The following CNTNAP5 variants were observed in gnomAD, a reference collection of about 807,000 sequenced individuals.
CNTNAP5 encodes contactin associated protein family member 5.
A neutral mutation model predicts 150.2 loss-of-function variants in CNTNAP5; 72 were observed. The ratio of observed to expected loss-of-function variants is 0.48; its 90% CI spans 0.40 to 0.58. The LOEUF is 0.58. Among genes scored for constraint, CNTNAP5 ranks in the 20% least tolerant of loss-of-function variants. The pLI is 0.00. For missense variants in CNTNAP5, 1,636 were observed against 1,626.2 expected (o/e 1.01, Z -0.10); for synonymous variants, 672 against 619.8 (o/e 1.08, Z -1.25).
intron 13 of CNTNAP5, among the ~76,000 whole-genome samples, chr2:124,711,141 C>G (rs113685887): frequency 6.6e-6 from 1 of 151,804 alleles, no homozygotes; most frequent in Non-Finnish European, 1.5e-5. Context: ...TGTGGTGGCA[C>G]GCACCTGTAA....
intron 17 of CNTNAP5, among the ~76,000 whole-genome samples, chr2:124,781,697 G>A (rs1573613101): frequency 6.6e-6 from 1 of 152,250 alleles, no homozygotes; most frequent in South Asian, 2.1e-4. Context: ...CTGCACTGGA[G>A]CCCTGCTTTG....
chr2:124,897,962 TGTGTG>T (rs2104754981), intron 21 of CNTNAP5, among the ~76,000 whole-genome samples: 1 of 150,826 alleles, frequency 6.6e-6, no homozygotes, highest in Non-Finnish European at 1.5e-5. Flanking sequence ...TGTGTGTGTG[TGTGTG>T]TGTGTGTGTG....
At chr2:124,400,142 G>A (rs916404074) in intron 3 of CNTNAP5, among the ~76,000 whole-genome samples, 1 of 151,274 alleles carries the variant, frequency 6.6e-6, no homozygotes, top group Non-Finnish European at 1.5e-5. Flanking sequence ...GGAAACCAAT[G>A]CTACATTTAT....
chr2:124,133,668 A>G (rs1683913137), intron 1 of CNTNAP5, among the ~76,000 whole-genome samples: 2 of 152,024 alleles, frequency 1.3e-5, no homozygotes, highest in African/African-American at 4.8e-5. Context: ...GAGCACCAGT[A>G]GTGCTTTTTT....
At chr2:124,889,078 CTTTTTTTTTTT>C (rs761790564) in intron 21 of CNTNAP5, among the ~76,000 whole-genome samples, 1 of 68,784 alleles carries the variant, frequency 1.5e-5, no homozygotes, top group East Asian at 3.4e-4. Flanking sequence ...TGAGGTCTAG[CTTTTTTTTTTT>C]TTTTTTTTTT....
chr2:124,310,552 G>A (rs547855696), intron 3 of CNTNAP5, among the ~76,000 whole-genome samples: 104 of 151,850 alleles, frequency 6.8e-4, no homozygotes, highest in Non-Finnish European at 1.3e-3. Flanking sequence ...ACAAACCCTC[G>A]GAGAGAGCAA....
At chr2:124,180,451 T>C (rs1392100762) in intron 1 of CNTNAP5, among the ~76,000 whole-genome samples, 1 of 152,146 alleles carries the variant, frequency 6.6e-6, no homozygotes, top group Non-Finnish European at 1.5e-5. Context: ...TCAATACAGT[T>C]AAAAAATAAA....
chr2:124,171,357 C>T (rs1402290015), intron 1 of CNTNAP5, among the ~76,000 whole-genome samples: 5 of 152,164 alleles, frequency 3.3e-5, no homozygotes, highest in South Asian at 2.1e-4. Context: ...GCCCTTGCCT[C>T]GTTTTTGATC....
At chr2:124,198,572 C>T (rs1359609019) in intron 1 of CNTNAP5, among the ~76,000 whole-genome samples, 10 of 152,150 alleles carry the variant, frequency 6.6e-5, no homozygotes, top group Admixed American at 6.5e-4. Flanking sequence ...TCCTCCCTCT[C>T]TCCCCACTCT....
intron 1 of CNTNAP5, among the ~76,000 whole-genome samples, chr2:124,212,260 T>A (rs1049977808): frequency 6.6e-6 from 1 of 152,218 alleles, no homozygotes; most frequent in Non-Finnish European, 1.5e-5. Context: ...TTCATTTATG[T>A]AGCTTTTCTT....
At chr2:124,590,230 G>A (rs1354232015) in intron 11 of CNTNAP5, among the ~76,000 whole-genome samples, 2 of 152,028 alleles carry the variant, frequency 1.3e-5, no homozygotes, top group East Asian at 3.9e-4. Flanking sequence ...CCCTATTATA[G>A]CAGACAGCGA....
intron 11 of CNTNAP5, among the ~76,000 whole-genome samples, chr2:124,594,735 C>A (rs1162162999): frequency 3.0e-5 from 4 of 134,390 alleles, no homozygotes; most frequent in South Asian, 2.7e-4. Context: ...GGCAGTATGG[C>A]CATTTTCACG....
intron 12 of CNTNAP5, among the ~76,000 whole-genome samples, chr2:124,618,908 T>G (rs2104994031): frequency 6.6e-6 from 1 of 152,158 alleles, no homozygotes; most frequent in South Asian, 2.1e-4. Context: ...AGACCACTCT[T>G]TATGGGTTAA....
At chr2:124,810,916 C>T (rs938132766) in intron 19 of CNTNAP5, among the ~76,000 whole-genome samples, 6 of 151,908 alleles carry the variant, frequency 3.9e-5, no homozygotes, top group African/African-American at 1.5e-4. Flanking sequence ...CAGGATAGCC[C>T]CCCGATGAAG....
Position 124,228,384 on chromosome 2 carries a change from T to C in CNTNAP5, c.187+6575T>C, listed in dbSNP as rs145183853. On this transcript the variant is annotated intron_variant, in intron 2 of 23. Coordinates refer to ENST00000682447, the MANE Select transcript of CNTNAP5 (RefSeq NM_001367498.1). The stretch of plus-strand genomic sequence containing the variant: ...TTTTCCATAAACACCCTCACAGATA[T>C]AACCAAAAATAACACTTTACCAGCT... 4.6e-5 allele frequency among the ~76,000 whole-genome samples: 7 copies of C among 152,264 alleles called. No homozygotes were observed. The East Asian group carries it at 1.4e-3, about 29-fold the overall frequency.
intron 3 of CNTNAP5, among the ~76,000 whole-genome samples, chr2:124,412,941 A>G (rs12473580): frequency 0.95 from 80,842 of 85,366 alleles, 38,519 homozygotes; most frequent in East Asian, 1. Context: ...GAGTGAACAG[A>G]CAACCTAAAA....
At chr2:124,910,443 A>G (rs1678632008) in intron 22 of CNTNAP5, among the ~76,000 whole-genome samples, 1 of 152,066 alleles carries the variant, frequency 6.6e-6, no homozygotes, top group African/African-American at 2.4e-5. Context: ...GGCAAAGACT[A>G]TCATTTTTAC....
In CNTNAP5 at chr2:124,764,167, A is replaced by G; in HGVS notation, c.2533+20A>G. The G allele has an allele frequency of 1.9e-6, 3 of 1,597,468 alleles. No homozygotes were observed. The highest frequency in any genetic ancestry group is 2.6e-6 in the Non-Finnish European group (3 of 1,166,262). ...TAAGCTGTAAGTGCCCTCAATTATG[A>G]ATTTAATGTAACTGATCAACAAACA... On this transcript the variant is annotated intron_variant, in intron 16 of 23. Transcript: ENST00000682447.
At chr2:124,285,110 G>A (rs1688114607) in intron 3 of CNTNAP5, among the ~76,000 whole-genome samples, 1 of 152,142 alleles carries the variant, frequency 6.6e-6, no homozygotes, top group Admixed American at 6.6e-5. Flanking sequence ...TAGTTTGGAT[G>A]TGTTTCTGTT....
Sources: allele counts gnomAD v4.1 joint callset (sites outside exome capture counted in the v4.1 genomes callset), GRCh38; gene constraint gnomAD v4.1.1; transcripts MANE v1.5; gene names NCBI Gene and HGNC (gene_info 2026-07-23, HGNC 2026-07-21).